Variants in PRICKLE2 observed in about 807,000 individuals in gnomAD.
The protein encoded by PRICKLE2 is prickle-like protein 2.
In PRICKLE2, 21 loss-of-function variants were observed where a neutral mutation model predicts 81.4. The ratio of observed to expected loss-of-function variants is 0.26; its 90% CI spans 0.18 to 0.37. PRICKLE2 has a LOEUF of 0.37. Among genes scored for constraint, PRICKLE2 ranks in the 10% least tolerant of loss-of-function variants. The pLI is 1.00. For missense variants in PRICKLE2, 940 were observed against 1,109.0 expected (o/e 0.85, Z 2.16); for synonymous variants, 456 against 421.5 (o/e 1.08, Z -1.00).
chr3:64,162,692 G>T (rs2077754254), intron 3 of PRICKLE2, among the ~76,000 whole-genome samples: 1 of 152,134 alleles, frequency 6.6e-6, no homozygotes, highest in Non-Finnish European at 1.5e-5. Flanking sequence ...AAAATACACA[G>T]GAAACCCACA....
chr3:64,096,158 G>A lies in PRICKLE2; in HGVS notation c.*2893C>T, dbSNP rs926936094. 3 of 152,214 alleles carry A rather than the reference G, an allele frequency of 2.0e-5. No homozygotes were observed. The highest frequency in any genetic ancestry group is 6.5e-5 in the Admixed American group (1 of 15,282). The allele number at this position is 152,214 out of a possible 1,614,324, so 9.4% of individuals were successfully genotyped here. Reference sequence around the variant, plus strand: ...AAAGACAAGAAGATCAATATTAGGAGAGGTGGGAAAAATAACAACCAGGGC... The same window carrying A: ...AAAGACAAGAAGATCAATATTAGGAAAGGTGGGAAAAATAACAACCAGGGC... On this transcript the variant is annotated 3_prime_UTR_variant, in exon 8 of 8. Coordinates refer to ENST00000638394, the MANE Select transcript of PRICKLE2 (RefSeq NM_198859.4).
intron 7 of PRICKLE2, among the ~76,000 whole-genome samples, chr3:64,122,028 T>C (rs79639586): frequency 2.0e-5 from 3 of 152,080 alleles, no homozygotes; most frequent in Non-Finnish European, 4.4e-5. Context: ...TGGATTATGG[T>C]TGAGGAATAT....
chr3:64,159,893 A>G, intron 4 of PRICKLE2, 47 bp downstream of exon 4: 2 of 1,612,244 alleles, frequency 1.2e-6, no homozygotes, highest in Non-Finnish European at 8.5e-7. Flanking sequence ...GAATGGGTGA[A>G]AAGATGCCAG....
At chr3:64,191,751 G>A (rs1023692833) in intron 2 of PRICKLE2, among the ~76,000 whole-genome samples, 1 of 152,186 alleles carries the variant, frequency 6.6e-6, no homozygotes, top group East Asian at 1.9e-4. Context: ...ACTTTACTGT[G>A]GTCAGAAAGT....
intron 7 of PRICKLE2, among the ~76,000 whole-genome samples, chr3:64,133,577 T>C (rs1188355055): frequency 1.3e-5 from 2 of 152,036 alleles, no homozygotes; most frequent in Non-Finnish European, 2.9e-5. Context: ...GTGAAGTTAA[T>C]TGATACTGGG....
chr3:64,144,035 G>A (rs2077405413), intron 7 of PRICKLE2, among the ~76,000 whole-genome samples: 1 of 151,610 alleles, frequency 6.6e-6, no homozygotes, highest in African/African-American at 2.4e-5. Flanking sequence ...AGATGTGGAT[G>A]TATTTGAGGA....
intron 2 of PRICKLE2, among the ~76,000 whole-genome samples, chr3:64,234,259 C>T (rs188724071): frequency 1.3e-5 from 2 of 152,044 alleles, no homozygotes; most frequent in Admixed American, 6.6e-5. Context: ...TCAAAGTGCT[C>T]CTCCAGTTTC....
At chr3:64,117,405 C>G (rs529777176) in intron 7 of PRICKLE2, among the ~76,000 whole-genome samples, 12 of 152,242 alleles carry the variant, frequency 7.9e-5, no homozygotes, top group Admixed American at 4.6e-4. Flanking sequence ...GAGGGAAAGT[C>G]AAATCATCCC....
chr3:64,254,111 T>C (rs1413109796), intron 2 of PRICKLE2, among the ~76,000 whole-genome samples: 2 of 152,228 alleles, frequency 1.3e-5, no homozygotes, highest in Non-Finnish European at 2.9e-5. Flanking sequence ...AGTGTTCTAA[T>C]GTCCACAGCA....
intron 2 of PRICKLE2, among the ~76,000 whole-genome samples, chr3:64,258,877 G>GAAAGAAAGAA (rs2079572803): frequency 6.9e-6 from 1 of 144,808 alleles, no homozygotes; most frequent in Non-Finnish European, 1.5e-5. Context: ...AAGAAAGAAA[G>GAAAGAAAGAA]AAAGAAAGAA....
chr3:64,191,814 G>C (rs111883807), intron 2 of PRICKLE2, among the ~76,000 whole-genome samples: 4 of 152,148 alleles, frequency 2.6e-5, no homozygotes, highest in African/African-American at 9.7e-5. Context: ...TCTTCCCACT[G>C]GACCAGGCTG....
chr3:64,257,703 G>T (rs1461241405), intron 2 of PRICKLE2, among the ~76,000 whole-genome samples: 1 of 152,200 alleles, frequency 6.6e-6, no homozygotes, highest in East Asian at 1.9e-4. Context: ...CATGGCCAAT[G>T]GCTTGGGAGG....
chr3:64,146,480 A>T, intron 7 of PRICKLE2: 1 of 266,750 alleles, frequency 3.7e-6, no homozygotes, highest in South Asian at 4.7e-5. Flanking sequence ...ACGGTGGCTC[A>T]CGCCTGTAAT....
At chr3:64,144,467 T>C (rs1208382337) in intron 7 of PRICKLE2, among the ~76,000 whole-genome samples, 2 of 152,218 alleles carry the variant, frequency 1.3e-5, no homozygotes, top group African/African-American at 4.8e-5. Flanking sequence ...GGTGGATACA[T>C]AAATATCCCA....
At chr3:64,144,527 T>C (rs1004429601) in intron 7 of PRICKLE2, among the ~76,000 whole-genome samples, 7 of 152,236 alleles carry the variant, frequency 4.6e-5, no homozygotes, top group Non-Finnish European at 7.3e-5. Context: ...CCCCTTCAAA[T>C]GGGGCTAACA....
intron 2 of PRICKLE2, among the ~76,000 whole-genome samples, chr3:64,169,437 T>C (rs2077893792): frequency 6.6e-6 from 1 of 152,158 alleles, no homozygotes; most frequent in Non-Finnish European, 1.5e-5. Flanking sequence ...ATTTACAGTC[T>C]CTGTTGCTAG....
At chr3:64,247,244 G>T (rs1296131946) in intron 2 of PRICKLE2, among the ~76,000 whole-genome samples, 2 of 152,068 alleles carry the variant, frequency 1.3e-5, no homozygotes, top group Non-Finnish European at 2.9e-5. Flanking sequence ...CATTTGAACA[G>T]AAGACTCCTA....
intron 7 of PRICKLE2, chr3:64,102,456 G>A (rs2076682416): frequency 6.6e-6 from 1 of 152,292 alleles, no homozygotes; most frequent in Non-Finnish European, 1.5e-5. Flanking sequence ...GATCTAGGTT[G>A]TGTGCTCCTT....
At chr3:64,132,156 T>A (rs986455710) in intron 7 of PRICKLE2, among the ~76,000 whole-genome samples, 24 of 152,248 alleles carry the variant, frequency 1.6e-4, no homozygotes, top group African/African-American at 5.3e-4. Flanking sequence ...GAGAGCTTCC[T>A]TGACCATCCT....
Sources: gnomAD v4.1 joint callset for allele counts (sites outside exome capture counted in the v4.1 genomes callset) on GRCh38, gnomAD v4.1.1 for gene constraint, MANE v1.5 for transcripts, NCBI Gene and HGNC (gene_info 2026-07-23, HGNC 2026-07-21) for gene names.